The following CIDEA variants were observed in gnomAD, a reference collection of about 807,000 sequenced individuals.
The protein encoded by CIDEA is cell death inducing DFFA like effector a.
In CIDEA, 10 loss-of-function variants were observed where a neutral mutation model predicts 18.2. The observed-to-expected ratio is 0.55, with a 90% CI of 0.34 to 0.93. The LOEUF (loss-of-function observed/expected upper bound fraction) is 0.93. Among genes scored for constraint, CIDEA ranks in the 40% least tolerant of loss-of-function variants. CIDEA has a pLI of 0.02. For synonymous variants in CIDEA, 128 were observed against 124.8 expected (o/e 1.03, Z -0.17); for missense variants, 309 against 293.1 (o/e 1.05, Z -0.40).
At chr18:12,264,531 T>C in intron 3 of CIDEA, 78 bp downstream of exon 3, 1 of 1,081,342 alleles carries the variant, frequency 9.2e-7, no homozygotes, top group Non-Finnish European at 1.3e-6. Flanking sequence ...ACTTGGGTGT[T>C]GACTTGTCCA....
At position 12,254,888 on chromosome 18, in the gene CIDEA, T is replaced by G. The variant is rs577148488; in HGVS notation, c.38+467T>G. Reference sequence around the variant, plus strand: ...GCTGGGCGCGGGAGGGGCCCAGGCTTGGCCCCTCCTGGAAGCGCGGGCTCT... The same window carrying G: ...GCTGGGCGCGGGAGGGGCCCAGGCTGGGCCCCTCCTGGAAGCGCGGGCTCT... On this transcript the variant is annotated intron_variant, in intron 1 of 4. Coordinates refer to ENST00000320477, the MANE Select transcript of CIDEA (RefSeq NM_001279.4). The G allele has an allele frequency of 2.3e-6, 3 of 1,292,000 alleles. No homozygotes were observed. The Admixed American group carries it at 7.3e-5, about 31-fold the overall frequency. 80.0% of individuals were successfully genotyped at this position (1,292,000 alleles called of 1,614,324 possible).
intron 3 of CIDEA, among the ~76,000 whole-genome samples, chr18:12,265,083 G>T (rs1020054257): frequency 6.6e-6 from 1 of 152,166 alleles, no homozygotes; most frequent in South Asian, 2.1e-4. Context: ...TTCTTAGAAG[G>T]CTGGAGAAGT....
chr18:12,258,724 C>G (rs2144059457), intron 1 of CIDEA, among the ~76,000 whole-genome samples: 1 of 152,370 alleles, frequency 6.6e-6, no homozygotes, highest in African/African-American at 2.4e-5. Flanking sequence ...CGATTCGCCT[C>G]CTGCTTTCCC....
intron 3 of CIDEA, among the ~76,000 whole-genome samples, chr18:12,271,777 C>T (rs1228854332): frequency 6.6e-6 from 1 of 151,956 alleles, no homozygotes; most frequent in Non-Finnish European, 1.5e-5. Flanking sequence ...CCTTTCTGGG[C>T]AAAACCAGTT....
At chr18:12,255,740 C>T (rs1453126019) in intron 1 of CIDEA, among the ~76,000 whole-genome samples, 5 of 152,192 alleles carry the variant, frequency 3.3e-5, no homozygotes, top group African/African-American at 1.2e-4. Flanking sequence ...TCCTGGTTGG[C>T]CTCTGAGCAG....
chr18:12,266,057 C>T (rs1161972642), intron 3 of CIDEA, among the ~76,000 whole-genome samples: 1 of 152,044 alleles, frequency 6.6e-6, no homozygotes, highest in Admixed American at 6.6e-5. Context: ...ACCCCAATCT[C>T]CACCAAAAAA....
At chr18:12,273,005 A>G (rs1020735752) in intron 3 of CIDEA, among the ~76,000 whole-genome samples, 17 of 152,134 alleles carry the variant, frequency 1.1e-4, no homozygotes, top group Admixed American at 9.8e-4. Context: ...TTATATTTTT[A>G]AAGTGTCACA....
At chr18:12,264,947 A>C (rs1420122958) in intron 3 of CIDEA, among the ~76,000 whole-genome samples, 1 of 152,244 alleles carries the variant, frequency 6.6e-6, no homozygotes, top group Non-Finnish European at 1.5e-5. Flanking sequence ...TAGGAAACTT[A>C]GTCTCTCTGT....
intron 1 of CIDEA, among the ~76,000 whole-genome samples, chr18:12,256,066 T>C (rs144584845): frequency 7.2e-5 from 11 of 152,364 alleles, no homozygotes; most frequent in African/African-American, 2.4e-4. Flanking sequence ...TGTCATTCTG[T>C]GAAATCTACC....
chr18:12,261,698 TGA>T (rs1225206800), intron 1 of CIDEA, among the ~76,000 whole-genome samples: 1 of 152,060 alleles, frequency 6.6e-6, no homozygotes, highest in Non-Finnish European at 1.5e-5. Context: ...CTCCACTTCC[TGA>T]GTAGATGAGA....
chr18:12,273,965 TA>T (rs1263933640), intron 3 of CIDEA, 127 bp from the exon 4 acceptor site: 60 of 941,158 alleles, frequency 6.4e-5, no homozygotes, highest in Non-Finnish European at 5.4e-5. Context: ...CTCTATCGAT[TA>T]GCCACGGAGC....
Position 12,277,227 on chromosome 18 carries a change from C to T in CIDEA, c.617C>T (p.Pro206Leu). The T allele has an allele frequency of 3.7e-6, 6 of 1,614,142 alleles. No individual in the cohort carries two copies. Among genetic ancestry groups the T allele is most frequent in the Non-Finnish European group, 5.1e-6 (6 of 1,180,020 alleles). The change falls in exon 5 of 5, where the codon CCA (proline) becomes CTA (leucine). Residue 206 changes from proline (P) to leucine (L), a missense_variant. Pro to Leu is a moderately conservative substitution (Grantham distance 98). Coordinates refer to ENST00000320477, the MANE Select transcript of CIDEA (RefSeq NM_001279.4). ...GTGCTGGATGACAAGGAAGAGCGGC[C>T]ATCCCTCCGGTCACAAGCCAAGGGC... ...LRVLDDKEERPSLRSQAKGRF... is the reference protein window; with the variant it reads ...LRVLDDKEERLSLRSQAKGRF...
At chr18:12,254,561 A>G in intron 1 of CIDEA, 140 bp downstream of exon 1, 1 of 768,886 alleles carries the variant, frequency 1.3e-6, no homozygotes, top group Non-Finnish European at 1.8e-6. Context: ...GCGCTCCGCG[A>G]CCCCGCGCAC....
intron 4 of CIDEA, among the ~76,000 whole-genome samples, chr18:12,275,731 C>A (rs1052482585): frequency 6.6e-6 from 1 of 152,096 alleles, no homozygotes; most frequent in African/African-American, 2.4e-5. Flanking sequence ...GGGTGTGTGG[C>A]TTCTCTGTGG....
chr18:12,264,721 C>T (rs889665032), intron 3 of CIDEA, among the ~76,000 whole-genome samples: 14 of 151,688 alleles, frequency 9.2e-5, no homozygotes, highest in Non-Finnish European at 1.8e-4. Context: ...GCCTGGCTAA[C>T]TTTTTGTATT....
chr18:12,256,393 G>A (rs1461967407), intron 1 of CIDEA, among the ~76,000 whole-genome samples: 1 of 151,998 alleles, frequency 6.6e-6, no homozygotes, highest in African/African-American at 2.4e-5. Context: ...TAAAAATCAG[G>A]TACTTGTAGT....
At chr18:12,255,026 A>AG in intron 1 of CIDEA, 2 of 966,434 alleles carry the variant, frequency 2.1e-6, no homozygotes, top group South Asian at 1.7e-5. Flanking sequence ...CCTGGGGAGC[A>AG]GGGGGGACAA....
chr18:12,255,178 T>G (rs1911995116), intron 1 of CIDEA, among the ~76,000 whole-genome samples: 1 of 152,226 alleles, frequency 6.6e-6, no homozygotes, highest in African/African-American at 2.4e-5. Flanking sequence ...CCTAAGTCAT[T>G]GCGTGGCAGC....
intron 3 of CIDEA, among the ~76,000 whole-genome samples, chr18:12,268,446 G>A (rs1413493443): frequency 1.3e-5 from 2 of 150,234 alleles, no homozygotes; most frequent in Non-Finnish European, 3.0e-5. Flanking sequence ...GCCCACTCTG[G>A]AGTGCAGTGG....
Sources: gnomAD v4.1 joint callset for allele counts (sites outside exome capture counted in the v4.1 genomes callset) on GRCh38, gnomAD v4.1.1 for gene constraint, MANE v1.5 for transcripts, NCBI Gene and HGNC (gene_info 2026-07-23, HGNC 2026-07-21) for gene names.